The following XRN1 variants were observed in gnomAD, a reference collection of about 807,000 sequenced individuals.
XRN1 encodes the protein 5'-3' exoribonuclease 1, also known as strand-exchange protein 1 homolog.
Under a neutral mutation model 222.3 loss-of-function variants are expected in XRN1, and 67 were observed. The observed-to-expected ratio is 0.30, with a 90% CI of 0.25 to 0.37. The LOEUF (loss-of-function observed/expected upper bound fraction) is 0.37, where lower values mean the gene tolerates loss of function less well. Among genes scored for constraint, XRN1 ranks in the 10% least tolerant of loss-of-function variants. XRN1 has a pLI of 1.00. For synonymous variants in XRN1, 643 were observed against 652.4 expected, an observed-to-expected ratio of 0.99 and a Z score of 0.22; for missense variants, 1,707 against 2,000.2, an observed-to-expected ratio of 0.85 and a Z score of 2.80.
chr3:142,344,559 T>C (rs901876173), intron 33 of XRN1, among the ~76,000 whole-genome samples: 3 of 151,976 alleles, frequency 2.0e-5, no homozygotes, highest in Non-Finnish European at 4.4e-5. Flanking sequence ...TTAGGGCTAA[T>C]AAACAGTTAA....
At chr3:142,430,177 A>C (rs1391208751) in intron 2 of XRN1, among the ~76,000 whole-genome samples, 2 of 152,120 alleles carry the variant, frequency 1.3e-5, no homozygotes, top group Non-Finnish European at 2.9e-5. Context: ...TCAGTTCTGT[A>C]GTGCTGTTTG....
At chr3:142,434,647 A>G (rs2069790879) in intron 1 of XRN1, among the ~76,000 whole-genome samples, 1 of 151,872 alleles carries the variant, frequency 6.6e-6, no homozygotes, top group Non-Finnish European at 1.5e-5. Context: ...TGTTCTAGCT[A>G]CTTGAGAGAC....
In XRN1 at chr3:142,359,279, T is replaced by G. The variant is rs535423578; in HGVS notation, c.3464+583A>C. The stretch of plus-strand genomic sequence containing the variant: ...TTCCTTTATAGTCAAACTTCCCAAG[T>G]GTTGCCTCAATTTCCTGTCTCCATT... On this transcript the variant is annotated intron_variant, in intron 30 of 40. Coordinates refer to ENST00000392981, the MANE Select transcript of XRN1 (RefSeq NM_001282857.2). Among the ~76,000 whole-genome samples, 2 of 152,140 alleles carry G rather than the reference T, an allele frequency of 1.3e-5. 1 individual carries two copies. The highest frequency in any genetic ancestry group is 4.1e-4 in the South Asian group (2 of 4,834).
intron 1 of XRN1, among the ~76,000 whole-genome samples, chr3:142,436,225 T>C (rs1336529047): frequency 1.3e-5 from 2 of 152,142 alleles, no homozygotes; most frequent in East Asian, 3.8e-4. Context: ...TAGTAAAAAT[T>C]AAAGAGACTG....
At chr3:142,399,903 A>G (rs1481694686) in intron 19 of XRN1, among the ~76,000 whole-genome samples, 1 of 151,906 alleles carries the variant, frequency 6.6e-6, no homozygotes, top group Admixed American at 6.6e-5. Flanking sequence ...AATTCTAGCC[A>G]TATGAAAAAT....
intron 1 of XRN1, among the ~76,000 whole-genome samples, chr3:142,433,937 C>T (rs2108172570): frequency 6.6e-6 from 1 of 152,254 alleles, no homozygotes; most frequent in East Asian, 1.9e-4. Context: ...ACCATCAAAA[C>T]ATATTTTTAT....
rs1559867309 is a variant in XRN1, at chr3:142,418,790, ATCAAAACACATACT to A, written c.1240+11_1240+24del. On this transcript the variant is annotated intron_variant, in intron 11 of 40. Transcript: ENST00000392981. The stretch of plus-strand genomic sequence containing the variant: ...AATTATCCTGTCAAAGTAGTAACAT[ATCAAAACACATACT>A]TCATACTTACCCTTAGAAGTTATCA... The A allele has an allele frequency of 6.2e-7, 1 of 1,610,846 alleles. No individual in the cohort carries two copies. The highest frequency in any genetic ancestry group is 8.5e-7 in the Non-Finnish European group (1 of 1,177,324).
At chr3:142,384,149 G>A (rs1577336317) in intron 21 of XRN1, among the ~76,000 whole-genome samples, 1 of 152,090 alleles carries the variant, frequency 6.6e-6, no homozygotes, top group African/African-American at 2.4e-5. Context: ...GCGGGCACCT[G>A]TAGTCCCAGC....
At chr3:142,313,772 G>T (rs1438428444) in intron 39 of XRN1, among the ~76,000 whole-genome samples, 1 of 152,172 alleles carries the variant, frequency 6.6e-6, no homozygotes, top group African/African-American at 2.4e-5. Context: ...AGTGGCTCAT[G>T]CCTGTAATCC....
intron 20 of XRN1, among the ~76,000 whole-genome samples, chr3:142,392,569 G>A (rs2067769770): frequency 6.6e-6 from 1 of 151,824 alleles, no homozygotes; most frequent in Non-Finnish European, 1.5e-5. Context: ...GTGAGAATAT[G>A]CGGTGTTTGG....
intron 20 of XRN1, among the ~76,000 whole-genome samples, chr3:142,386,654 C>A (rs1388707131): frequency 6.6e-6 from 1 of 151,986 alleles, no homozygotes; most frequent in African/African-American, 2.4e-5. Context: ...AAAAGATAAT[C>A]AACCCAATTT....
intron 5 of XRN1, among the ~76,000 whole-genome samples, chr3:142,424,101 A>G (rs1416674685): frequency 6.6e-6 from 1 of 151,708 alleles, no homozygotes; most frequent in Non-Finnish European, 1.5e-5. Flanking sequence ...CTCACATAGT[A>G]TCTTTTTTTT....
chr3:142,376,182 T>A (rs940447821), intron 24 of XRN1: 6 of 718,168 alleles, frequency 8.4e-6, no homozygotes, highest in Non-Finnish European at 1.3e-5. Context: ...ATTATGTAAT[T>A]ATAGAGGAAA....
chr3:142,315,717 G>A (rs2065196022), intron 39 of XRN1, among the ~76,000 whole-genome samples: 1 of 151,842 alleles, frequency 6.6e-6, no homozygotes, highest in Non-Finnish European at 1.5e-5. Context: ...GTTTCACCAT[G>A]TTGGTTAGGC....
At chr3:142,444,182 C>T (rs1004409540) in intron 1 of XRN1, among the ~76,000 whole-genome samples, 5 of 152,164 alleles carry the variant, frequency 3.3e-5, no homozygotes, top group Admixed American at 6.5e-5. Context: ...CGGGGGCTCA[C>T]GCCTGTAATC....
chr3:142,323,110 G>T (rs1035254495), intron 37 of XRN1, among the ~76,000 whole-genome samples: 1 of 152,060 alleles, frequency 6.6e-6, no homozygotes, highest in Non-Finnish European at 1.5e-5. Flanking sequence ...GTGAGCCACC[G>T]CATCTAGCGC....
chr3:142,430,179 T>C (rs534490899), intron 2 of XRN1, among the ~76,000 whole-genome samples: 25 of 152,300 alleles, frequency 1.6e-4, no homozygotes, highest in African/African-American at 5.5e-4. Flanking sequence ...AGTTCTGTAG[T>C]GCTGTTTGGG....
intron 23 of XRN1, among the ~76,000 whole-genome samples, chr3:142,378,558 A>C (rs565815393): frequency 6.6e-6 from 1 of 152,186 alleles, no homozygotes; most frequent in South Asian, 2.1e-4. Context: ...TAAACAATAA[A>C]GTTGAATGAA....
chr3:142,314,904 C>CAAAAAAAA (rs776430519), intron 39 of XRN1, among the ~76,000 whole-genome samples: 1 of 22,298 alleles, frequency 4.5e-5, no homozygotes, highest in African/African-American at 1.1e-4. Context: ...GACTCTGTCT[C>CAAAAAAAA]AAAAAAAAAA....
Sources: allele counts gnomAD v4.1 joint callset (sites outside exome capture counted in the v4.1 genomes callset), GRCh38; gene constraint gnomAD v4.1.1; transcripts MANE v1.5; gene names NCBI Gene and HGNC (gene_info 2026-07-23, HGNC 2026-07-21).